The following RASSF8 variants were observed in gnomAD, a reference collection of about 807,000 sequenced individuals.
RASSF8 encodes ras association domain-containing protein 8.
Under a neutral mutation model 48.5 loss-of-function variants are expected in RASSF8, and 22 were observed. The observed-to-expected ratio is 0.45, with a 90% confidence interval of 0.32 to 0.65. The LOEUF is 0.65. Among genes scored for constraint, RASSF8 ranks in the 30% least tolerant of loss-of-function variants. RASSF8 has a pLI of 0.03. For synonymous variants in RASSF8, 127 were observed against 171.5 expected (o/e 0.74, Z 2.03); for missense variants, 418 against 489.2 (o/e 0.85, Z 1.37).
At chr12:25,963,558 C>A (rs576133797) in intron 1 of RASSF8, among the ~76,000 whole-genome samples, 1 of 152,176 alleles carries the variant, frequency 6.6e-6, no homozygotes, top group African/African-American at 2.4e-5. Flanking sequence ...TTTCCTCACA[C>A]CCTTAGAGTG....
chr12:25,959,762 G>C (rs1045137198), intron 1 of RASSF8: 4 of 152,164 alleles, frequency 2.6e-5, no homozygotes, highest in African/African-American at 7.2e-5. Context: ...CGCGAGCTTT[G>C]AATGTGGGTC....
chr12:25,989,882 A>G (rs186918639), intron 1 of RASSF8, among the ~76,000 whole-genome samples: 22 of 152,310 alleles, frequency 1.4e-4, no homozygotes, highest in Admixed American at 1.2e-3. Flanking sequence ...GTCTGGCAGA[A>G]GTTTTAAAAT....
chr12:25,998,379 C>G (rs1176357954), intron 2 of RASSF8, among the ~76,000 whole-genome samples: 4 of 131,094 alleles, frequency 3.1e-5, no homozygotes, highest in Admixed American at 8.3e-5. Context: ...GATGGAGTTT[C>G]ACTCTTGTTG....
intron 2 of RASSF8, among the ~76,000 whole-genome samples, chr12:26,026,056 C>T (rs1203290407): frequency 2.0e-5 from 3 of 152,054 alleles, no homozygotes; most frequent in Admixed American, 6.5e-5. Context: ...GGCATAAATC[C>T]TCTTGATCCT....
intron 1 of RASSF8, among the ~76,000 whole-genome samples, chr12:25,961,378 A>C (rs917656124): frequency 6.6e-6 from 1 of 152,342 alleles, no homozygotes; most frequent in East Asian, 1.9e-4. Context: ...AGTTGGATAG[A>C]AAAACATGCA....
At chr12:26,022,471 G>A (rs1383642106) in intron 2 of RASSF8, among the ~76,000 whole-genome samples, 5 of 152,102 alleles carry the variant, frequency 3.3e-5, no homozygotes, top group Non-Finnish European at 7.4e-5. Context: ...CAAAGAAACA[G>A]GAAAGTGTGC....
Position 26,055,244 on chromosome 12 carries a change from A to C in RASSF8, c.-100A>C, listed in dbSNP as rs560301843. 101 of 951,676 alleles carry C rather than the reference A, an allele frequency of 1.1e-4. No individual in the cohort carries two copies. In the African/African-American group the frequency reaches 1.3e-3, roughly 13 times the overall value. 59.0% of individuals were successfully genotyped at this position (951,676 alleles called of 1,614,324 possible). On this transcript the variant is annotated 5_prime_UTR_variant, in exon 3 of 6. Transcript: ENST00000689635. ...TTTTTGCCCTTTTTTAGCTGACTAC[A>C]CAGACTTAGTCTTCTCCACTCCGTG... is the stretch of plus-strand genomic sequence containing the variant.
chr12:25,994,176 A>G (rs1254897318), intron 1 of RASSF8, among the ~76,000 whole-genome samples: 4 of 152,030 alleles, frequency 2.6e-5, no homozygotes, highest in Non-Finnish European at 4.4e-5. Flanking sequence ...CTCTAATTTG[A>G]TATTTCATAT....
At chr12:25,973,349 G>T (rs1941528486) in intron 1 of RASSF8, among the ~76,000 whole-genome samples, 1 of 152,168 alleles carries the variant, frequency 6.6e-6, no homozygotes, top group African/African-American at 2.4e-5. Context: ...TGTGGTGCAT[G>T]CAGTGTGAAC....
At chr12:25,984,542 C>T (rs1228473480) in intron 1 of RASSF8, among the ~76,000 whole-genome samples, 2 of 152,138 alleles carry the variant, frequency 1.3e-5, no homozygotes, top group Non-Finnish European at 2.9e-5. Flanking sequence ...AGGGTTTCAC[C>T]ATGTTGGCCA....
At chr12:26,058,538 G>GCGCATGCA (rs377669426) in intron 3 of RASSF8, among the ~76,000 whole-genome samples, 1 of 148,998 alleles carries the variant, frequency 6.7e-6, no homozygotes, top group Non-Finnish European at 1.5e-5. Context: ...ACGCGCGCGC[G>GCGCATGCA]CACACACACA....
At chr12:26,038,869 G>C (rs1270779632) in intron 2 of RASSF8, among the ~76,000 whole-genome samples, 1 of 152,136 alleles carries the variant, frequency 6.6e-6, no homozygotes, top group Non-Finnish European at 1.5e-5. Flanking sequence ...GTCTGTGTCA[G>C]TCTTTTCTAC....
chr12:25,997,990 A>G (rs1003517618), intron 2 of RASSF8, among the ~76,000 whole-genome samples: 3 of 152,232 alleles, frequency 2.0e-5, no homozygotes, highest in Non-Finnish European at 2.9e-5. Flanking sequence ...TCAGATTTTG[A>G]GACAGGTTTG....
chr12:25,984,025 A>G (rs574250130), intron 1 of RASSF8, among the ~76,000 whole-genome samples: 16 of 152,266 alleles, frequency 1.1e-4, no homozygotes, highest in Admixed American at 9.2e-4. Flanking sequence ...TTTGCACAAA[A>G]CTGAAGTAGT....
chr12:25,977,895 TTG>T (rs1388148075), intron 1 of RASSF8, among the ~76,000 whole-genome samples: 1 of 152,168 alleles, frequency 6.6e-6, no homozygotes, highest in Non-Finnish European at 1.5e-5. Flanking sequence ...TGGAAGGTCA[TTG>T]TACCATCTTT....
At chr12:26,034,188 G>C (rs1943083740) in intron 2 of RASSF8, among the ~76,000 whole-genome samples, 2 of 152,122 alleles carry the variant, frequency 1.3e-5, no homozygotes, top group South Asian at 4.1e-4. Flanking sequence ...GTGGCACACT[G>C]TTCAACTAAG....
At chr12:26,046,833 T>C (rs962483371) in intron 2 of RASSF8, among the ~76,000 whole-genome samples, 7 of 147,982 alleles carry the variant, frequency 4.7e-5, no homozygotes, top group East Asian at 3.9e-4. Flanking sequence ...ATCACAGATA[T>C]AGTTATACTT....
At chr12:25,986,981 G>A (rs141719126) in intron 1 of RASSF8, among the ~76,000 whole-genome samples, 3 of 151,802 alleles carry the variant, frequency 2.0e-5, no homozygotes, top group Non-Finnish European at 4.4e-5. Flanking sequence ...CGTCGCCCAG[G>A]CTGGAGTGCA....
intron 2 of RASSF8, among the ~76,000 whole-genome samples, chr12:26,013,346 T>C (rs1380081244): frequency 6.6e-6 from 1 of 152,234 alleles, no homozygotes. Flanking sequence ...GTGAGTATAT[T>C]TTAATTGCTT....
Sources: gnomAD v4.1 joint callset for allele counts (sites outside exome capture counted in the v4.1 genomes callset) on GRCh38, gnomAD v4.1.1 for gene constraint, MANE v1.5 for transcripts, NCBI Gene and HGNC (gene_info 2026-07-23, HGNC 2026-07-21) for gene names.